Variants in ING4 observed in about 807,000 individuals in gnomAD.
ING4 encodes inhibitor of growth family member 4.
Under a neutral mutation model 33.1 loss-of-function variants are expected in ING4, and 28 were observed. The observed-to-expected ratio is 0.85, with a 90% CI of 0.63 to 1.16. The LOEUF is 1.16. ING4 is among the 50% of genes most tolerant of loss of function. The pLI, the probability that ING4 is intolerant of heterozygous loss-of-function variation, is 0.00. For missense variants in ING4, 247 were observed against 314.7 expected (o/e 0.78, Z 1.63); for synonymous variants, 87 against 104.4 (o/e 0.83, Z 1.02).
intron 2 of ING4, among the ~76,000 whole-genome samples, chr12:6,654,653 C>T (rs1254301166): frequency 6.6e-6 from 1 of 151,948 alleles, no homozygotes; most frequent in East Asian, 1.9e-4. Flanking sequence ...TCCTATTTGG[C>T]TCATCATTGC....
chr12:6,655,234 G>C (rs964380055), intron 2 of ING4, among the ~76,000 whole-genome samples: 1 of 151,020 alleles, frequency 6.6e-6, no homozygotes, highest in Non-Finnish European at 1.5e-5. Flanking sequence ...AGCAGAGACA[G>C]GGTTTCACCA....
rs960459893 is a variant in ING4, at chr12:6,663,047, C to T, written c.37+18G>A. 1.2e-6 allele frequency: 2 copies of T among 1,613,722 alleles called. No homozygotes were observed. The highest frequency in any genetic ancestry group is 1.3e-5 in the African/African-American group (1 of 74,910). ...CACCACTCTGCAGCCCCGACCCCCA[C>T]CTCCAGCCTGCTCTTACTGTCCAGA... On this transcript the variant is annotated intron_variant, in intron 1 of 7. Coordinates refer to ENST00000341550, the MANE Select transcript of ING4 (RefSeq NM_016162.4).
chr12:6,653,428 G>C, intron 2 of ING4, 32 bp from the exon 3 acceptor site: 1 of 1,595,962 alleles, frequency 6.3e-7, no homozygotes. Flanking sequence ...GGTCACAATG[G>C]CCCCTGAGTG....
At chr12:6,656,669 G>T in intron 2 of ING4, 58 bp downstream of exon 2, 1 of 991,712 alleles carries the variant, frequency 1.0e-6, no homozygotes, top group South Asian at 1.5e-5. Flanking sequence ...ACATCAAGTA[G>T]AAAAATAAAT....
At chr12:6,651,420 G>A (rs759149903) in intron 6 of ING4, 35 bp from the exon 7 acceptor site, 329 of 1,574,690 alleles carry the variant, frequency 2.1e-4, no homozygotes, top group Non-Finnish European at 2.8e-4. Flanking sequence ...CAGGGGCCAG[G>A]AAGGGCCAGA....
intron 2 of ING4, among the ~76,000 whole-genome samples, chr12:6,653,781 G>A (rs559430129): frequency 6.6e-6 from 1 of 152,340 alleles, no homozygotes; most frequent in South Asian, 2.1e-4. Context: ...TCCCACAGCA[G>A]TTGTCTGCCG....
Position 6,652,276 on chromosome 12 carries a change from G to C in ING4, c.640C>G (p.Pro214Ala), listed in dbSNP as rs756848334. 7 of 1,613,680 alleles carry C rather than the reference G, an allele frequency of 4.3e-6. No individual in the cohort carries two copies. Among genetic ancestry groups the C allele is most frequent in the African/African-American group, 1.3e-5 (1 of 74,856 alleles). The change falls in exon 6 of 8, where the codon CCT becomes GCT. Residue 214 changes from proline to alanine, a missense_variant. This residue lies in a region of ING4 where 38 missense variants were observed against 49.7 expected (regional missense o/e 0.77). Coordinates refer to ENST00000341550, the MANE Select transcript of ING4 (RefSeq NM_016162.4). ...TAAGGCAAAATGTTTCTCACATCAG[G>C]GTTGTCACAGCCAATCATCTCTCCA... ...SYGEMIGCDNPDCSIEWFHFA... is the reference protein window; with the variant it reads ...SYGEMIGCDNADCSIEWFHFA...
chr12:6,657,281 C>T lies in ING4; in HGVS notation c.38-483G>A, dbSNP rs1273442193. On this transcript the variant is annotated intron_variant, in intron 1 of 7. Coordinates refer to ENST00000341550, the MANE Select transcript of ING4 (RefSeq NM_016162.4). ...TGGCTAACATGGTGAAACCCCGTCTCTACTAAAAATACAAAAAATTAGCCA... is the reference window on the plus strand; with the variant it reads ...TGGCTAACATGGTGAAACCCCGTCTTTACTAAAAATACAAAAAATTAGCCA... Among the ~76,000 whole-genome samples the T allele has an allele frequency of 2.0e-5, 3 of 151,870 alleles. No individual in the cohort carries two copies. In the East Asian group the frequency reaches 5.8e-4, roughly 29 times the overall value.
At chr12:6,662,628 G>A (rs1308382289) in intron 1 of ING4, among the ~76,000 whole-genome samples, 2 of 152,162 alleles carry the variant, frequency 1.3e-5, no homozygotes, top group Admixed American at 6.5e-5. Flanking sequence ...TCATCTGACA[G>A]TGGTCACTCA....
In ING4 at chr12:6,651,138, C is replaced by A; in HGVS notation, c.*57G>T. On this transcript the variant is annotated 3_prime_UTR_variant, in exon 8 of 8. Coordinates refer to ENST00000341550, the MANE Select transcript of ING4 (RefSeq NM_016162.4). ...GGCCCCAGCACAGGCATTCCTCTGC[C>A]CACTAGCCCAAGTCAGGGGATGTGG... 1 of 1,592,972 alleles carries A rather than the reference C, an allele frequency of 6.3e-7. No individual in the cohort carries two copies. Among genetic ancestry groups the A allele is most frequent in the East Asian group, 2.2e-5 (1 of 44,774 alleles).
intron 2 of ING4, among the ~76,000 whole-genome samples, chr12:6,654,947 A>G (rs2136271052): frequency 6.6e-6 from 1 of 152,234 alleles, no homozygotes; most frequent in East Asian, 1.9e-4. Context: ...CTGGTCTCGA[A>G]GTTCTGATCT....
chr12:6,663,003 C>T (rs1949607117), intron 1 of ING4, 62 bp downstream of exon 1: 6 of 1,544,180 alleles, frequency 3.9e-6, no homozygotes, highest in Non-Finnish European at 5.4e-6. Flanking sequence ...GCTACAGATC[C>T]TCTCATCCCT....
At chr12:6,655,410 AT>A (rs2136272083) in intron 2 of ING4, among the ~76,000 whole-genome samples, 1 of 152,340 alleles carries the variant, frequency 6.6e-6, no homozygotes, top group South Asian at 2.1e-4. Context: ...GTTTACTAAT[AT>A]TTGGAAGGGC....
At chr12:6,655,563 TA>T in intron 2 of ING4, 1 of 1,081,822 alleles carries the variant, frequency 9.2e-7, no homozygotes, top group Non-Finnish European at 1.1e-6. Context: ...TATAGTTCCA[TA>T]ATCTCCAACT....
intron 7 of ING4, 26 bp downstream of exon 7, chr12:6,651,298 G>A (rs1456396864): frequency 6.2e-7 from 1 of 1,614,124 alleles, no homozygotes; most frequent in Non-Finnish European, 8.5e-7. Flanking sequence ...ACTCAACTTA[G>A]GGACCCTCCA....
At chr12:6,662,883 C>G (rs918592939) in intron 1 of ING4, among the ~76,000 whole-genome samples, 182 bp downstream of exon 1, 4 of 152,118 alleles carry the variant, frequency 2.6e-5, no homozygotes, top group Non-Finnish European at 5.9e-5. Context: ...CTACACCCAT[C>G]AGCGGGGCCT....
At position 6,651,101 on chromosome 12, in the gene ING4, C is replaced by A; in HGVS notation, c.*94G>T. On this transcript the variant is annotated 3_prime_UTR_variant, in exon 8 of 8. Coordinates refer to ENST00000341550, the MANE Select transcript of ING4 (RefSeq NM_016162.4). ...TGACAGCACTGTGCCATCCACTCCT[C>A]CCTGAACCCCTGGCCCCAGCACAGG... 1 of 1,395,552 alleles carries A rather than the reference C, an allele frequency of 7.2e-7. No homozygotes were observed. The highest frequency in any genetic ancestry group is 1.2e-5 in the South Asian group (1 of 84,924). The allele number at this position is 1,395,552 out of a possible 1,614,324, so 86.4% of individuals were successfully genotyped here.
At chr12:6,653,903 C>G (rs550530970) in intron 2 of ING4, among the ~76,000 whole-genome samples, 98 of 152,292 alleles carry the variant, frequency 6.4e-4, no homozygotes, top group African/African-American at 2.3e-3. Context: ...CACTTTGTCG[C>G]CCAGGCTGGA....
intron 1 of ING4, among the ~76,000 whole-genome samples, chr12:6,660,733 T>C (rs1257600342): frequency 6.6e-6 from 1 of 152,232 alleles, no homozygotes; most frequent in African/African-American, 2.4e-5. Context: ...CACTGGTGAT[T>C]TACCAAATCT....
Sources: gnomAD v4.1 joint callset for allele counts (sites outside exome capture counted in the v4.1 genomes callset) on GRCh38, gnomAD v4.1.1 for gene constraint, gnomAD v4.1.1 regional missense constraint, MANE v1.5 for transcripts, NCBI Gene and HGNC (gene_info 2026-07-23, HGNC 2026-07-21) for gene names.